The following ACOXL variants were observed in gnomAD, a reference collection of about 807,000 sequenced individuals.
ACOXL encodes the protein acyl-CoA oxidase like.
ACOXL carries 70 observed loss-of-function variants against 71.9 expected under a neutral mutation model. The observed-to-expected ratio is 0.97, with a 90% confidence interval of 0.80 to 1.19. The LOEUF (loss-of-function observed/expected upper bound fraction) is 1.19, where lower values mean the gene tolerates loss of function less well. Ranked by LOEUF, ACOXL falls within the 50% of genes most tolerant of loss-of-function variation. The pLI, the probability that ACOXL is intolerant of heterozygous loss-of-function variation, is 0.00. For missense variants in ACOXL, 703 were observed against 736.3 expected, an observed-to-expected ratio of 0.95 and a Z score of 0.52; for synonymous variants, 253 against 281.6, an observed-to-expected ratio of 0.90 and a Z score of 1.02.
intron 10 of ACOXL, among the ~76,000 whole-genome samples, chr2:110,847,699 A>G (rs1023939842): frequency 1.3e-5 from 2 of 152,146 alleles, no homozygotes; most frequent in African/African-American, 4.8e-5. Context: ...CAAACCTAAT[A>G]TGGGAGTTAT....
intron 10 of ACOXL, among the ~76,000 whole-genome samples, chr2:110,907,786 C>G (rs2059510093): frequency 6.6e-6 from 1 of 152,154 alleles, no homozygotes; most frequent in Non-Finnish European, 1.5e-5. Context: ...GCCCTTCTTT[C>G]AATTACAAAT....
At chr2:110,767,373 C>T (rs1681226367) in intron 1 of ACOXL, among the ~76,000 whole-genome samples, 1 of 152,142 alleles carries the variant, frequency 6.6e-6, no homozygotes, top group Non-Finnish European at 1.5e-5. Flanking sequence ...AGAACAAAGG[C>T]AGTCAGGTCT....
chr2:110,938,963 A>G (rs2060768933), intron 12 of ACOXL, among the ~76,000 whole-genome samples: 1 of 151,974 alleles, frequency 6.6e-6, no homozygotes, highest in Admixed American at 6.6e-5. Context: ...AACCTGCACA[A>G]CCCATATTGA....
At chr2:111,093,516 G>A in intron 17 of ACOXL, 1 of 1,613,988 alleles carries the variant, frequency 6.2e-7, no homozygotes, top group Non-Finnish European at 8.5e-7. Flanking sequence ...ACAGGTATAA[G>A]ACTCAGTCTC....
chr2:110,935,270 C>T (rs773634388), intron 12 of ACOXL, among the ~76,000 whole-genome samples: 16 of 152,078 alleles, frequency 1.1e-4, no homozygotes, highest in Non-Finnish European at 1.9e-4. Context: ...TCTGGGCTCC[C>T]GTGACTCATT....
At chr2:110,836,137 G>C (rs1690433815) in intron 9 of ACOXL, among the ~76,000 whole-genome samples, 1 of 152,214 alleles carries the variant, frequency 6.6e-6, no homozygotes, top group African/African-American at 2.4e-5. Flanking sequence ...GATAGGGTTT[G>C]AGAGTCAGGC....
At chr2:110,822,752 C>T (rs938012522) in intron 9 of ACOXL, among the ~76,000 whole-genome samples, 1 of 152,168 alleles carries the variant, frequency 6.6e-6, no homozygotes, top group Non-Finnish European at 1.5e-5. Flanking sequence ...GTGTATCTCC[C>T]ATTAAAGTAT....
chr2:111,047,049 G>A (rs1361999210), intron 15 of ACOXL, among the ~76,000 whole-genome samples: 6 of 152,200 alleles, frequency 3.9e-5, no homozygotes, highest in South Asian at 4.1e-4. Context: ...GGACATCATC[G>A]TACAAGAGTC....
chr2:110,965,407 T>G (rs1232702234), intron 12 of ACOXL, among the ~76,000 whole-genome samples: 1 of 152,152 alleles, frequency 6.6e-6, no homozygotes, highest in African/African-American at 2.4e-5. Context: ...TTTGTTTTTG[T>G]TTTTTGGAAA....
At chr2:110,958,429 C>T (rs910572323) in intron 12 of ACOXL, among the ~76,000 whole-genome samples, 3 of 152,184 alleles carry the variant, frequency 2.0e-5, no homozygotes, top group African/African-American at 4.8e-5. Context: ...CAGGGGCCCT[C>T]ATGCTGCAAT....
Position 110,846,428 on chromosome 2 carries a change from C to T in ACOXL, c.788+5023C>T, listed in dbSNP as rs183600107. Among the ~76,000 whole-genome samples, 704 of 152,232 alleles carry T rather than the reference C, an allele frequency of 4.6e-3. 3 individuals carry two copies. Among genetic ancestry groups the T allele is most frequent in the African/African-American group, 0.017 (686 of 41,518 alleles). ...TGTACCCTTGGCCAGCCAGCAGTGC[C>T]TCTCAGGCTGCTGCAGACACAGAGG... On this transcript the variant is annotated intron_variant, in intron 10 of 17. Coordinates refer to ENST00000439055, the MANE Select transcript of ACOXL (RefSeq NM_001142807.4).
At chr2:110,969,908 T>A (rs1228179141) in intron 12 of ACOXL, among the ~76,000 whole-genome samples, 1 of 152,164 alleles carries the variant, frequency 6.6e-6, no homozygotes, top group African/African-American at 2.4e-5. Flanking sequence ...AACTGGAAAT[T>A]ATCTGACTCA....
intron 16 of ACOXL, among the ~76,000 whole-genome samples, chr2:111,062,835 G>A (rs2066883792): frequency 6.6e-6 from 1 of 152,040 alleles, no homozygotes; most frequent in Non-Finnish European, 1.5e-5. Context: ...CAATGAAATT[G>A]AAAACAGAAA....
chr2:111,082,329 A>C (rs1574704285), intron 16 of ACOXL, among the ~76,000 whole-genome samples: 1 of 152,196 alleles, frequency 6.6e-6, no homozygotes, highest in Admixed American at 6.5e-5. Context: ...TACAAGAAAA[A>C]AAAAAAGAAA....
chr2:111,061,518 A>G (rs2066811499), intron 16 of ACOXL, among the ~76,000 whole-genome samples: 1 of 152,176 alleles, frequency 6.6e-6, no homozygotes, highest in African/African-American at 2.4e-5. Flanking sequence ...TCTAAACAGA[A>G]GGGACATGAT....
At chr2:110,953,764 T>A (rs1337938852) in intron 12 of ACOXL, among the ~76,000 whole-genome samples, 1 of 152,138 alleles carries the variant, frequency 6.6e-6, no homozygotes, top group African/African-American at 2.4e-5. Flanking sequence ...CTCAGGAAAC[T>A]TACAATCATG....
At chr2:110,841,326 A>G (rs375027639) in intron 9 of ACOXL, 45 bp from the exon 10 acceptor site, 3 of 1,472,478 alleles carry the variant, frequency 2.0e-6, no homozygotes, top group South Asian at 2.4e-5. Context: ...AATTCTGCAT[A>G]CTCTTGATAT....
chr2:111,056,049 A>T (rs1405915913), intron 16 of ACOXL, among the ~76,000 whole-genome samples: 1 of 152,126 alleles, frequency 6.6e-6, no homozygotes, highest in Non-Finnish European at 1.5e-5. Context: ...GGCTCACTTG[A>T]AGAGTATATT....
At chr2:110,886,730 T>G in intron 10 of ACOXL, 1 of 1,550,146 alleles carries the variant, frequency 6.5e-7, no homozygotes, top group Non-Finnish European at 8.7e-7. Flanking sequence ...GAGTTAGCCT[T>G]GCGGAAGAAC....
Sources: gnomAD v4.1 joint callset for allele counts (sites outside exome capture counted in the v4.1 genomes callset) on GRCh38, gnomAD v4.1.1 for gene constraint, MANE v1.5 for transcripts, NCBI Gene and HGNC (gene_info 2026-07-23, HGNC 2026-07-21) for gene names.